Variants in WDR88 observed in about 807,000 individuals in gnomAD.
WDR88 encodes the protein WD repeat-containing protein 88.
Under a neutral mutation model 46.8 loss-of-function variants are expected in WDR88, and 40 were observed. The observed-to-expected ratio is 0.86, with a 90% confidence interval of 0.66 to 1.11. The LOEUF is 1.11. Ranked by LOEUF, WDR88 falls within the 50% of genes most tolerant of loss-of-function variation. The probability of loss-of-function intolerance (pLI) is 0.00; values close to 1 mark genes in which losing one functional copy is unlikely to be tolerated. For missense variants in WDR88, 562 were observed against 602.4 expected, an observed-to-expected ratio of 0.93 and a Z score of 0.70; for synonymous variants, 235 against 240.7, an observed-to-expected ratio of 0.98 and a Z score of 0.22.
At chr19:33,165,522 A>T (rs983234187) in intron 9 of WDR88, among the ~76,000 whole-genome samples, 1 of 152,182 alleles carries the variant, frequency 6.6e-6, no homozygotes, top group Non-Finnish European at 1.5e-5. Context: ...ATTTAAGCAA[A>T]ACAACAGGAC....
intron 2 of WDR88, among the ~76,000 whole-genome samples, chr19:33,143,929 C>A (rs1026393929): frequency 3.9e-5 from 6 of 152,170 alleles, no homozygotes; most frequent in Non-Finnish European, 8.8e-5. Context: ...GTTTATTAGA[C>A]CCCCTTTCCC....
intron 6 of WDR88, among the ~76,000 whole-genome samples, chr19:33,155,163 T>C (rs1440745454): frequency 4.6e-5 from 7 of 152,318 alleles, no homozygotes; most frequent in African/African-American, 7.2e-5. Flanking sequence ...TTTTCTGAGA[T>C]AGAGTCTTGC....
At chr19:33,160,338 G>A in intron 7 of WDR88, 76 bp from the exon 8 acceptor site, 1 of 1,455,848 alleles carries the variant, frequency 6.9e-7, no homozygotes, top group South Asian at 1.1e-5. Context: ...CCTCGCCAAG[G>A]CATCTTCAGC....
intron 4 of WDR88, among the ~76,000 whole-genome samples, chr19:33,148,503 C>T (rs1020970550): frequency 6.6e-6 from 1 of 152,146 alleles, no homozygotes; most frequent in Non-Finnish European, 1.5e-5. Flanking sequence ...CACAGTGGCG[C>T]CATCGTAGCT....
At chr19:33,140,261 C>A (rs755256922) in intron 2 of WDR88, among the ~76,000 whole-genome samples, 1 of 152,078 alleles carries the variant, frequency 6.6e-6, no homozygotes. Flanking sequence ...CTCAAGCAAT[C>A]CCCCCATCTC....
At chr19:33,134,705 C>T (rs1303710445) in intron 1 of WDR88, among the ~76,000 whole-genome samples, 1 of 152,080 alleles carries the variant, frequency 6.6e-6, no homozygotes, top group Non-Finnish European at 1.5e-5. Flanking sequence ...AGCGAACTCC[C>T]CCGGAGAAAA....
At chr19:33,170,289 C>T (rs917078375) in intron 9 of WDR88, among the ~76,000 whole-genome samples, 12 of 150,282 alleles carry the variant, frequency 8.0e-5, no homozygotes, top group Admixed American at 4.0e-4. Context: ...GCGATCCTCC[C>T]GCCTTAGCCT....
At position 33,175,415 on chromosome 19, in the gene WDR88, C is replaced by T; in HGVS notation, c.1262C>T (p.Pro421Leu). The T allele has an allele frequency of 6.2e-7, 1 of 1,614,164 alleles. No individual in the cohort carries two copies. Among genetic ancestry groups the T allele is most frequent in the East Asian group, 2.2e-5 (1 of 44,880 alleles). ...KLKQCERCDR[P>L]FSIFKSDTSS... ...TGTCAGTGCGAAAGATGTGACAGGC[C>T]TTTCTCCATCTTCAAGAGTGACACC... Residue 421 changes from proline (P) to leucine (L), a missense_variant, in exon 11 of 11, where the codon CCT becomes CTT. Transcript: ENST00000355868.
rs769818307 is a variant in WDR88, at chr19:33,132,188, T to A, written c.19T>A (p.Cys7Ser). 6.3e-7 allele frequency: 1 copy of A among 1,597,628 alleles called. No homozygotes were observed. Among genetic ancestry groups the A allele is most frequent in the South Asian group, 1.1e-5 (1 of 90,784 alleles). The change falls in exon 1 of 11, where the codon TGC becomes AGC. Residue 7 changes from cysteine to serine, a missense_variant. Physicochemically the swap from Cys to Ser is moderately radical, Grantham distance 112. Coordinates refer to ENST00000355868, the MANE Select transcript of WDR88 (RefSeq NM_173479.4). The part of the protein sequence containing the change: MASPPR[C>S]SPTAHDRECK... ...CTTCGAGATGGCCTCCCCGCCGCGGTGCTCCCCGACAGCCCATGACAGGGA... is the reference window on the plus strand; with the variant it reads ...CTTCGAGATGGCCTCCCCGCCGCGGAGCTCCCCGACAGCCCATGACAGGGA...
Position 33,151,409 on chromosome 19 carries a change from C to T in WDR88, c.809+99C>T, listed in dbSNP as rs973365577. ...TAAGCCAGCATCCATGTGGACACGT[C>T]TGTAGCTTGGTCATAGGTGCTCTGA... On this transcript the variant is annotated intron_variant, in intron 6 of 10. Coordinates refer to ENST00000355868, the MANE Select transcript of WDR88 (RefSeq NM_173479.4). 7 of 1,450,850 alleles carry T rather than the reference C, an allele frequency of 4.8e-6. No individual in the cohort carries two copies. The African/African-American group carries it at 8.4e-5, about 17-fold the overall frequency. The allele number at this position is 1,450,850 out of a possible 1,614,324, so 89.9% of individuals were successfully genotyped here.
rs141401012 is a variant in WDR88 at position 33,137,543 on chromosome 19, C to T, written c.277-134C>T. 1,568 of 746,970 alleles carry T rather than the reference C, an allele frequency of 2.1e-3. 26 individuals are homozygous for T. The African/African-American group carries it at 0.025, about 12-fold the overall frequency. The allele number at this position is 746,970 out of a possible 1,614,324, so 46.3% of individuals were successfully genotyped here. Reference sequence around the variant, plus strand: ...GCTGGGATTACAGACGTGAACCACCCCCCTGGCCAGAATTTTTTAAATTCA... The same window carrying T: ...GCTGGGATTACAGACGTGAACCACCTCCCTGGCCAGAATTTTTTAAATTCA... On this transcript the variant is annotated intron_variant, in intron 1 of 10. Transcript: ENST00000355868.
intron 8 of WDR88, among the ~76,000 whole-genome samples, chr19:33,162,931 C>G (rs1031049274): frequency 6.6e-6 from 1 of 151,982 alleles, no homozygotes; most frequent in African/African-American, 2.4e-5. Context: ...GGCGCAGTGG[C>G]TCATGCCTGT....
intron 10 of WDR88, chr19:33,174,275 G>T (rs1974088698): frequency 1.3e-6 from 2 of 1,534,536 alleles, no homozygotes; most frequent in African/African-American, 2.7e-5. Flanking sequence ...CTGAGGCCAG[G>T]CTTCCCCGAG....
rs752127991 is a variant in WDR88, at chr19:33,160,453, C to T, written c.1037C>T (p.Ala346Val). Residue 346 changes from alanine (A) to valine (V), a missense_variant, in exon 8 of 11, where the codon GCT (alanine) becomes GTT (valine). By Grantham distance (64) the Ala-to-Val change is moderately conservative. Transcript: ENST00000355868. ...LISGGFDRTVAIWDVAEGYRK... is the reference protein window; with the variant it reads ...LISGGFDRTVVIWDVAEGYRK... ...TCTGGAGGGTTTGATAGGACTGTGG[C>T]TATTTGGGATGTAGCAGAAGGCTAC... The T allele has an allele frequency of 1.2e-6, 2 of 1,614,148 alleles. No homozygotes were observed. The highest frequency in any genetic ancestry group is 2.2e-5 in the South Asian group (2 of 91,084).
chr19:33,157,694 T>C (rs1973783177), intron 7 of WDR88, among the ~76,000 whole-genome samples: 1 of 1,510 alleles, frequency 6.6e-4, no homozygotes, highest in East Asian at 2.7e-3. Context: ...TATGTATATA[T>C]ATATATATAT....
chr19:33,167,606 T>C (rs1360291129), intron 9 of WDR88, among the ~76,000 whole-genome samples: 1 of 152,090 alleles, frequency 6.6e-6, no homozygotes, highest in African/African-American at 2.4e-5. Context: ...GGCATCCAAA[T>C]TGAAAAGGAA....
intron 1 of WDR88, among the ~76,000 whole-genome samples, chr19:33,133,213 A>AG (rs202215427): frequency 1.0e-3 from 151 of 146,196 alleles, no homozygotes; most frequent in African/African-American, 3.0e-3. Context: ...AGAGAGAGAG[A>AG]AAGAAAGAAA....
chr19:33,147,615 C>G, intron 3 of WDR88, 30 bp from the exon 4 acceptor site: 1 of 1,610,166 alleles, frequency 6.2e-7, no homozygotes, highest in Non-Finnish European at 8.5e-7. Context: ...AAAAAAGAAC[C>G]AGTGTTCGTC....
chr19:33,157,710 T>C (rs1187911048), intron 7 of WDR88, among the ~76,000 whole-genome samples: 3 of 22,784 alleles, frequency 1.3e-4, no homozygotes, highest in Non-Finnish European at 3.7e-4. Context: ...TATATATATA[T>C]ATATATATAT....
Sources: allele counts gnomAD v4.1 joint callset (sites outside exome capture counted in the v4.1 genomes callset), GRCh38; gene constraint gnomAD v4.1.1; transcripts MANE v1.5; gene names NCBI Gene and HGNC (gene_info 2026-07-23, HGNC 2026-07-21).